LYST: variants seen among roughly 807,000 people sequenced by gnomAD.
The protein encoded by LYST is lysosomal trafficking regulator, also known as lysosomal-trafficking regulator.
LYST carries 192 observed loss-of-function variants against 413.6 expected under a neutral mutation model. The ratio of observed to expected loss-of-function variants is 0.46; its 90% CI spans 0.41 to 0.52. LYST has a LOEUF of 0.52. Among genes scored for constraint, LYST ranks in the 20% least tolerant of loss-of-function variants. LYST has a pLI of 0.00. For synonymous variants in LYST, 1,525 were observed against 1,567.3 expected, an observed-to-expected ratio of 0.97 and a Z score of 0.64; for missense variants, 3,815 against 4,499.9, an observed-to-expected ratio of 0.85 and a Z score of 4.35.
chr1:235,882,044 A>G (rs575772378), intron 1 of LYST, among the ~76,000 whole-genome samples: 1 of 149,876 alleles, frequency 6.7e-6, no homozygotes, highest in African/African-American at 2.5e-5. Flanking sequence ...ATTTAAACAC[A>G]CACACTCACA....
At chr1:235,712,833 T>C (rs1287315819) in intron 42 of LYST, 2 of 984,928 alleles carry the variant, frequency 2.0e-6, no homozygotes, top group Non-Finnish European at 1.2e-6. Context: ...GGTAGACTAT[T>C]AATAATAAAG....
chr1:235,872,613 T>C (rs1207934454), intron 1 of LYST, among the ~76,000 whole-genome samples: 1 of 152,150 alleles, frequency 6.6e-6, no homozygotes, highest in East Asian at 1.9e-4. Context: ...AGAATTTTTT[T>C]ATGGCCAGCT....
chr1:235,857,297 A>G (rs545096761), intron 1 of LYST, among the ~76,000 whole-genome samples: 1 of 152,098 alleles, frequency 6.6e-6, no homozygotes, highest in Non-Finnish European at 1.5e-5. Flanking sequence ...TGAGCCCTCA[A>G]CTAGATGGGC....
chr1:235,873,775 T>C (rs1433226559), intron 1 of LYST, among the ~76,000 whole-genome samples: 1 of 152,232 alleles, frequency 6.6e-6, no homozygotes, highest in South Asian at 2.1e-4. Context: ...AGCTGTTTAT[T>C]TTGGAAGAGC....
Position 235,755,620 on chromosome 1 carries a change from A to G in LYST, c.7087T>C (p.Ser2363Pro). 3 of 1,612,714 alleles carry G rather than the reference A, an allele frequency of 1.9e-6. No homozygotes were observed. The highest frequency in any genetic ancestry group is 2.5e-6 in the Non-Finnish European group (3 of 1,178,872). ...AGAAATTTATCTTTTTGTTCCTTAGATGCTCTAGCAAAATATGCATCTAAT... is the reference window on the plus strand; with the variant it reads ...AGAAATTTATCTTTTTGTTCCTTAGGTGCTCTAGCAAAATATGCATCTAAT... ...KLLDAYFARA[S>P]KEQKDKFLKN... The change falls in exon 25 of 53, where the codon TCT becomes CCT. Residue 2363 changes from serine to proline, a missense_variant. Transcript: ENST00000389793.
intron 21 of LYST, 102 bp downstream of exon 21, chr1:235,765,977 G>A (rs1572190721): frequency 1.1e-6 from 1 of 899,938 alleles, no homozygotes; most frequent in East Asian, 2.4e-5. Context: ...TGTAATTAGA[G>A]CAGCACAGAG....
At chr1:235,881,787 A>G (rs1236467615) in intron 1 of LYST, among the ~76,000 whole-genome samples, 1 of 152,200 alleles carries the variant, frequency 6.6e-6, no homozygotes, top group African/African-American at 2.4e-5. Flanking sequence ...GACAAATCCT[A>G]TATATATCAT....
At chr1:235,704,526 A>G (rs1418168392) in intron 44 of LYST, among the ~76,000 whole-genome samples, 3 of 152,012 alleles carry the variant, frequency 2.0e-5, no homozygotes, top group Middle Eastern at 3.4e-3. Context: ...GCTTTTTTTC[A>G]TATGTTTGTT....
rs540963944 is a variant in LYST at position 235,859,656 on chromosome 1, C to A, written c.-98+7187G>T. On this transcript the variant is annotated intron_variant, in intron 1 of 52. Transcript: ENST00000389793. ...TTAAATTACGAGTAATTATCTGCAT[C>A]CCCATTCACCCTCAGACAATCTAGA... 7.2e-5 allele frequency among the ~76,000 whole-genome samples: 11 copies of A among 152,276 alleles called. No individual in the cohort carries two copies. In the East Asian group the frequency reaches 2.1e-3, roughly 29 times the overall value.
Position 235,810,218 on chromosome 1 carries a change from G to A in LYST, c.600C>T (p.His200=), listed in dbSNP as rs1204234672. 1 of 1,614,082 alleles carries A rather than the reference G, an allele frequency of 6.2e-7. No homozygotes were observed. Among genetic ancestry groups the A allele is most frequent in the East Asian group, 2.2e-5 (1 of 44,880 alleles). The change falls in exon 5 of 53, where the codon CAC becomes CAT. Residue 200 remains histidine (H), a synonymous_variant. Transcript: ENST00000389793. The stretch of plus-strand genomic sequence containing the variant: ...CTAAGCGGTCAAGTTTAGCTTTGGG[G>A]TGGTCTTGTTTAGGAAACGATGTTA... ...HFLTSFPKQD[H]PKAKLDRLAT... is the part of the protein sequence containing the mutation.
intron 16 of LYST, among the ~76,000 whole-genome samples, chr1:235,777,580 A>G (rs188084270): frequency 2.6e-5 from 4 of 152,342 alleles, no homozygotes; most frequent in African/African-American, 7.2e-5. Context: ...ATATATATTA[A>G]GTTATACTAT....
In LYST at chr1:235,780,936, C is replaced by T; in HGVS notation, c.5143G>A (p.Glu1715Lys). The T allele has an allele frequency of 6.3e-7, 1 of 1,593,424 alleles. No individual in the cohort carries two copies. Residue 1715 changes from glutamate to lysine, a missense_variant, in exon 16 of 53, where the codon GAA (glutamate) becomes AAA (lysine). Around this residue, in one of 4 missense-constraint regions of LYST, gnomAD observed 530 missense variants for 696.5 expected, o/e 0.76. Coordinates refer to ENST00000389793, the MANE Select transcript of LYST (RefSeq NM_000081.4). ...CTGATTTGTTCACATCGCAAAATTT[C>T]TTTATTAATATATTTGGAGTAGTCA... ...VNDYSKYINKEILRCEQIREL... is the reference protein window; with the variant it reads ...VNDYSKYINKKILRCEQIREL...
rs1434832984 is a variant in LYST at position 235,806,614 on chromosome 1, C to T, written c.2522G>A (p.Gly841Glu). 2.5e-6 allele frequency: 4 copies of T among 1,613,900 alleles called. No homozygotes were observed. Among genetic ancestry groups the T allele is most frequent in the Non-Finnish European group, 3.4e-6 (4 of 1,179,962 alleles). The change falls in exon 6 of 53, where the codon GGG becomes GAG. Residue 841 changes from glycine to glutamate, a missense_variant. Around this residue, in one of 4 missense-constraint regions of LYST, gnomAD observed 1,648 missense variants for 1,810.3 expected, o/e 0.91. Coordinates refer to ENST00000389793, the MANE Select transcript of LYST (RefSeq NM_000081.4). ...QKDASVPDID[G>E]IDIEQKELSS... ...CAACTCCTTCTGTTCAATGTCTATC[C>T]CATCAATATCTGGAACTGAGGCATC...
chr1:235,760,213 A>G (rs1170524390), intron 22 of LYST, among the ~76,000 whole-genome samples: 1 of 152,110 alleles, frequency 6.6e-6, no homozygotes, highest in East Asian at 1.9e-4. Context: ...TAATTGTACT[A>G]CAGTTTCTAC....
At chr1:235,691,997 C>T (rs1660698585) in intron 47 of LYST, among the ~76,000 whole-genome samples, 1 of 150,954 alleles carries the variant, frequency 6.6e-6, no homozygotes, top group African/African-American at 2.4e-5. Context: ...CATGCCCAGC[C>T]TAACATCAGA....
chr1:235,823,563 A>G (rs1378964463), intron 3 of LYST, among the ~76,000 whole-genome samples: 1 of 152,246 alleles, frequency 6.6e-6, no homozygotes, highest in Non-Finnish European at 1.5e-5. Flanking sequence ...CATGGTATAC[A>G]AGGCTTGCCA....
chr1:235,712,811 T>C, intron 42 of LYST: 1 of 982,816 alleles, frequency 1.0e-6, no homozygotes, highest in Non-Finnish European at 1.2e-6. Context: ...CTTTCGTTCA[T>C]TTTTTTTCCA....
intron 37 of LYST, among the ~76,000 whole-genome samples, chr1:235,728,361 C>T (rs1455440238): frequency 6.6e-6 from 1 of 152,052 alleles, no homozygotes; most frequent in Non-Finnish European, 1.5e-5. Context: ...GCAGGGAGCT[C>T]TATTTCACAG....
intron 47 of LYST, among the ~76,000 whole-genome samples, chr1:235,689,029 C>CAAT (rs1241006905): frequency 3.7e-5 from 4 of 106,886 alleles, no homozygotes; most frequent in African/African-American, 1.4e-4. Flanking sequence ...ATAATAATAA[C>CAAT]AACAACAACA....
Sources: gnomAD v4.1 joint callset for allele counts (sites outside exome capture counted in the v4.1 genomes callset) on GRCh38, gnomAD v4.1.1 for gene constraint, gnomAD v4.1.1 regional missense constraint, MANE v1.5 for transcripts, NCBI Gene and HGNC (gene_info 2026-07-23, HGNC 2026-07-21) for gene names.